The following CCDC171 variants were observed in gnomAD, a reference collection of about 807,000 sequenced individuals.
CCDC171 encodes the protein coiled-coil domain-containing protein 171.
CCDC171 carries 177 observed loss-of-function variants against 168.2 expected under a neutral mutation model. The observed-to-expected ratio is 1.05, with a 90% CI of 0.93 to 1.19. The LOEUF (loss-of-function observed/expected upper bound fraction) is 1.19. Ranked by LOEUF, CCDC171 falls within the 50% of genes most tolerant of loss-of-function variation. The pLI is 0.00. For synonymous variants in CCDC171, 687 were observed against 540.8 expected (o/e 1.27, Z -3.75); for missense variants, 1,991 against 1,539.0 (o/e 1.29, Z -4.91).
intron 7 of CCDC171, among the ~76,000 whole-genome samples, chr9:15,638,688 A>G (rs934011493): frequency 1.3e-5 from 2 of 151,914 alleles, no homozygotes; most frequent in African/African-American, 2.4e-5. Flanking sequence ...TAAATATAAA[A>G]GAATTTAAAA....
At chr9:15,569,214 G>A (rs1174509929) in intron 2 of CCDC171, among the ~76,000 whole-genome samples, 1 of 152,044 alleles carries the variant, frequency 6.6e-6, no homozygotes, top group Non-Finnish European at 1.5e-5. Flanking sequence ...TTCTGTAATA[G>A]TTTCCTCCCA....
intron 3 of CCDC171, among the ~76,000 whole-genome samples, chr9:15,577,192 C>T (rs181773853): frequency 6.6e-6 from 1 of 152,212 alleles, no homozygotes; most frequent in Admixed American, 6.5e-5. Flanking sequence ...CTTATCTGCC[C>T]TGGGGCTGTA....
intron 7 of CCDC171, among the ~76,000 whole-genome samples, chr9:15,625,645 C>G (rs1015743471): frequency 1.6e-4 from 24 of 152,146 alleles, no homozygotes; most frequent in Non-Finnish European, 2.8e-4. Context: ...GCTAATATTT[C>G]TGAGGGCTCT....
At chr9:15,840,125 T>C (rs1310069981) in intron 21 of CCDC171, among the ~76,000 whole-genome samples, 1 of 152,114 alleles carries the variant, frequency 6.6e-6, no homozygotes, top group Non-Finnish European at 1.5e-5. Context: ...TAATTATTAA[T>C]AGGCTTATTT....
intron 25 of CCDC171, among the ~76,000 whole-genome samples, chr9:15,943,245 G>T (rs1317200020): frequency 6.6e-6 from 1 of 151,936 alleles, no homozygotes; most frequent in African/African-American, 2.4e-5. Flanking sequence ...GTTTAAGGAT[G>T]AGAAGAGCAG....
At chr9:16,032,154 G>A (rs1391895029) in intron 6 of CCDC171, among the ~76,000 whole-genome samples, 1 of 152,230 alleles carries the variant, frequency 6.6e-6, no homozygotes, top group Non-Finnish European at 1.5e-5. Context: ...GGAGGAAGGT[G>A]GCAGGAGAGG....
intron 21 of CCDC171, among the ~76,000 whole-genome samples, chr9:15,841,311 A>G (rs1467533413): frequency 6.6e-6 from 1 of 152,102 alleles, no homozygotes; most frequent in East Asian, 1.9e-4. Context: ...AGGCACTCAT[A>G]AGTTGTCATA....
Position 15,553,188 on chromosome 9 carries a change from T to A in CCDC171, c.-226T>A, listed in dbSNP as rs1217360718. ...TCCCGGGTCCTGGAGTCCGTCGTGT[T>A]CCAACAGTTTTTGCTCTTATTCCCG... On this transcript the variant is annotated 5_prime_UTR_variant, in exon 1 of 26. Transcript: ENST00000380701. 6.5e-6 allele frequency: 1 copy of A among 153,182 alleles called. No homozygotes were observed. The highest frequency in any genetic ancestry group is 2.4e-5 in the African/African-American group (1 of 41,442). 9.5% of individuals were successfully genotyped at this position (153,182 alleles called of 1,614,324 possible). A position where few individuals can be genotyped will look rare whatever the true frequency, so the allele number is the denominator to read the frequency against.
chr9:15,637,907 G>C (rs968796901), intron 7 of CCDC171, among the ~76,000 whole-genome samples: 3 of 151,884 alleles, frequency 2.0e-5, no homozygotes, highest in East Asian at 1.9e-4. Flanking sequence ...CTTTGCTATT[G>C]TGAATAGTGC....
intron 6 of CCDC171, among the ~76,000 whole-genome samples, chr9:16,034,193 G>T (rs750193280): frequency 8.5e-5 from 13 of 152,182 alleles, no homozygotes; most frequent in African/African-American, 2.9e-4. Flanking sequence ...CTGGCTTTGG[G>T]TTGCCGCAGA....
At chr9:15,651,481 T>A (rs574759498) in intron 7 of CCDC171, among the ~76,000 whole-genome samples, 14 of 152,140 alleles carry the variant, frequency 9.2e-5, no homozygotes, top group Non-Finnish European at 1.9e-4. Context: ...GGTCTTGAAC[T>A]CCTGACCTCA....
intron 18 of CCDC171, among the ~76,000 whole-genome samples, chr9:15,754,173 G>T (rs2055942532): frequency 2.0e-5 from 3 of 152,264 alleles, no homozygotes; most frequent in Non-Finnish European, 4.4e-5. Context: ...TAGTCATGTG[G>T]AGTTTCCAAT....
At chr9:15,908,233 T>C (rs553279845) in intron 24 of CCDC171, among the ~76,000 whole-genome samples, 6 of 152,328 alleles carry the variant, frequency 3.9e-5, no homozygotes, top group Non-Finnish European at 7.3e-5. Flanking sequence ...CTATTCACGA[T>C]AGCAAAGACT....
chr9:16,085,735 A>T, the CCDC171 span, among the ~76,000 whole-genome samples: 1 of 152,216 alleles, frequency 6.6e-6, no homozygotes, highest in Non-Finnish European at 1.5e-5. Context: ...ATTCCTTTTT[A>T]AAACATTTTT....
chr9:16,053,823 C>G (rs371015767), intron 1 of CCDC171, among the ~76,000 whole-genome samples: 8 of 152,362 alleles, frequency 5.3e-5, no homozygotes, highest in African/African-American at 1.9e-4. Flanking sequence ...AGCACAGTTT[C>G]ACAACTATTC....
the CCDC171 span, among the ~76,000 whole-genome samples, chr9:16,075,414 T>C: frequency 7.2e-5 from 11 of 152,238 alleles, no homozygotes; most frequent in Non-Finnish European, 1.5e-4. Flanking sequence ...ATTATGCTTA[T>C]TTTAAAATCT....
chr9:16,057,213 AT>A (rs1833854890), intron 1 of CCDC171, among the ~76,000 whole-genome samples: 2 of 152,220 alleles, frequency 1.3e-5, no homozygotes, highest in Admixed American at 1.3e-4. Flanking sequence ...TATTAACCCC[AT>A]TTTATAGATG....
chr9:15,700,914 C>G (rs1219325134), intron 11 of CCDC171, among the ~76,000 whole-genome samples: 1 of 148,596 alleles, frequency 6.7e-6, no homozygotes, highest in Non-Finnish European at 1.5e-5. Context: ...TTTTTTTTGT[C>G]TTTTTGCTAC....
At chr9:15,961,384 C>T (rs1180671106) in intron 25 of CCDC171, among the ~76,000 whole-genome samples, 1 of 152,104 alleles carries the variant, frequency 6.6e-6, no homozygotes, top group East Asian at 1.9e-4. Context: ...ATTTTGACCA[C>T]AGAAGTCGTA....
Sources: allele counts gnomAD v4.1 joint callset (sites outside exome capture counted in the v4.1 genomes callset), GRCh38; gene constraint gnomAD v4.1.1; transcripts MANE v1.5; gene names NCBI Gene and HGNC (gene_info 2026-07-23, HGNC 2026-07-21).